The following PIWIL3 variants were observed in gnomAD, a reference collection of about 807,000 sequenced individuals.
The protein encoded by PIWIL3 is piwi like RNA-mediated gene silencing 3, also known as piwi-like protein 3.
A neutral mutation model predicts 109.7 loss-of-function variants in PIWIL3; 101 were observed. The ratio of observed to expected loss-of-function variants is 0.92; its 90% CI spans 0.78 to 1.09. The LOEUF (loss-of-function observed/expected upper bound fraction) is 1.09, where lower values mean the gene tolerates loss of function less well. Ranked by LOEUF, PIWIL3 falls within the 50% of genes least tolerant of loss-of-function variation. PIWIL3 has a pLI of 0.00. For missense variants in PIWIL3, 1,031 were observed against 1,072.6 expected, an observed-to-expected ratio of 0.96 and a Z score of 0.54; for synonymous variants, 373 against 376.4, an observed-to-expected ratio of 0.99 and a Z score of 0.10.
intron 1 of PIWIL3, 81 bp from the exon 2 acceptor site, chr22:24,762,602 C>A: frequency 8.6e-7 from 1 of 1,163,448 alleles, no homozygotes. Context: ...AACAGAATAT[C>A]TGAGGCTGGG....
chr22:24,720,884 C>G (rs1258943618), intron 19 of PIWIL3, among the ~76,000 whole-genome samples: 1 of 152,168 alleles, frequency 6.6e-6, no homozygotes, highest in Non-Finnish European at 1.5e-5. Flanking sequence ...ACTAAAGAAT[C>G]TTAGTGTATA....
chr22:24,762,066 C>T lies in PIWIL3; in HGVS notation c.102+332G>A, dbSNP rs187583683. 4.2e-5 allele frequency: 40 copies of T among 962,334 alleles called. No homozygotes were observed. In the Admixed American group the frequency reaches 1.7e-3, roughly 41 times the overall value. The allele number at this position is 962,334 out of a possible 1,614,324, so 59.6% of individuals were successfully genotyped here. A position where few individuals can be genotyped will look rare whatever the true frequency, so the allele number is the denominator to read the frequency against. ...AAACTCTTATCTAACTCAGGCTATG[C>T]CAGTACCTTCAGGAAGTTGCTCATT... On this transcript the variant is annotated intron_variant, in intron 2 of 20. Coordinates refer to ENST00000616349, the MANE Select transcript of PIWIL3 (RefSeq NM_001255975.1).
At chr22:24,744,958 T>C (rs975114872) in intron 12 of PIWIL3, among the ~76,000 whole-genome samples, 1 of 152,208 alleles carries the variant, frequency 6.6e-6, no homozygotes, top group Non-Finnish European at 1.5e-5. Context: ...ACATGGATCA[T>C]TCAAGGATAG....
chr22:24,751,342 GA>G (rs751001849), intron 9 of PIWIL3, 44 bp downstream of exon 9: 2 of 1,523,548 alleles, frequency 1.3e-6, no homozygotes, highest in East Asian at 4.5e-5. Flanking sequence ...TGAAATACAT[GA>G]AGGTTTACAA....
At chr22:24,732,307 T>C (rs1468663988) in intron 14 of PIWIL3, among the ~76,000 whole-genome samples, 11 of 152,352 alleles carry the variant, frequency 7.2e-5, no homozygotes, top group African/African-American at 2.4e-4. Flanking sequence ...AAGTGATTTT[T>C]AGTCCCTATT....
intron 1 of PIWIL3, among the ~76,000 whole-genome samples, chr22:24,763,589 C>T (rs1925587128): frequency 6.6e-6 from 1 of 152,104 alleles, no homozygotes; most frequent in Non-Finnish European, 1.5e-5. Context: ...CGTGAACCAC[C>T]GTGCTCGGCC....
At position 24,739,164 on chromosome 22, in the gene PIWIL3, CAT is replaced by C. The variant is rs373256374; in HGVS notation, c.1450-3274_1450-3273del. 4.2e-3 allele frequency among the ~76,000 whole-genome samples: 631 copies of C among 151,926 alleles called. 5 individuals carry two copies. The highest frequency in any genetic ancestry group is 0.014 in the African/African-American group (564 of 41,428). ...TTCAAAGGCAGGCTGTTTGAAAACA[CAT>C]AGAGGAGACAAAAGAAAACACAGAA... On this transcript the variant is annotated intron_variant, in intron 12 of 20. Coordinates refer to ENST00000616349, the MANE Select transcript of PIWIL3 (RefSeq NM_001255975.1).
At chr22:24,771,135 G>T (rs1405562174) in intron 1 of PIWIL3, among the ~76,000 whole-genome samples, 1 of 151,988 alleles carries the variant, frequency 6.6e-6, no homozygotes, top group African/African-American at 2.4e-5. Context: ...GGAGGCATGA[G>T]CCTGGTCATT....
intron 12 of PIWIL3, among the ~76,000 whole-genome samples, chr22:24,743,040 G>A (rs1924103141): frequency 6.6e-6 from 1 of 152,048 alleles, no homozygotes; most frequent in Non-Finnish European, 1.5e-5. Context: ...AAATCAGCAA[G>A]AAAGAAAACA....
chr22:24,762,254 ATACAGC>A, intron 2 of PIWIL3, 138 bp downstream of exon 2: 1 of 1,347,778 alleles, frequency 7.4e-7, no homozygotes, highest in Non-Finnish European at 9.7e-7. Flanking sequence ...GCTGCCATCT[ATACAGC>A]CTGACTTTTC....
chr22:24,731,952 ATTCT>A (rs1923376236), intron 14 of PIWIL3, among the ~76,000 whole-genome samples: 1 of 152,274 alleles, frequency 6.6e-6, no homozygotes, highest in South Asian at 2.1e-4. Flanking sequence ...TAGGATTTTA[ATTCT>A]TTATTATTCA....
chr22:24,735,575 T>C, intron 13 of PIWIL3, 133 bp downstream of exon 13: 2 of 800,682 alleles, frequency 2.5e-6, no homozygotes, highest in Non-Finnish European at 3.7e-6. Context: ...TTAATATTTT[T>C]TGACTAGAGA....
chr22:24,761,921 T>G (rs1925460718), intron 2 of PIWIL3: 1 of 976,052 alleles, frequency 1.0e-6, no homozygotes, highest in Non-Finnish European at 1.2e-6. Context: ...ATGGTCCCCC[T>G]GGAGGTTGTC....
At chr22:24,721,106 G>A (rs2147641825) in intron 19 of PIWIL3, among the ~76,000 whole-genome samples, 1 of 152,266 alleles carries the variant, frequency 6.6e-6, no homozygotes, top group East Asian at 1.9e-4. Context: ...CTCTCAGTGA[G>A]TATCTGGTGG....
chr22:24,743,572 G>A (rs1468811060), intron 12 of PIWIL3, among the ~76,000 whole-genome samples: 2 of 152,184 alleles, frequency 1.3e-5, no homozygotes, highest in South Asian at 2.1e-4. Flanking sequence ...CTCAGGAATG[G>A]AAAACCAAAC....
chr22:24,756,755 A>G lies in PIWIL3; in HGVS notation c.356-50T>C, dbSNP rs757645669. Reference sequence around the variant, plus strand: ...TAAAGAAACAGACTGATTGGGCCCAAAACAAACAGTTTGGACACTACAATA... The same window carrying G: ...TAAAGAAACAGACTGATTGGGCCCAGAACAAACAGTTTGGACACTACAATA... On this transcript the variant is annotated intron_variant, in intron 4 of 20. Coordinates refer to ENST00000616349, the MANE Select transcript of PIWIL3 (RefSeq NM_001255975.1). 5 of 1,481,982 alleles carry G rather than the reference A, an allele frequency of 3.4e-6. No homozygotes were observed. In the African/African-American group the frequency reaches 7.0e-5, roughly 21 times the overall value. The allele number at this position is 1,481,982 out of a possible 1,614,324, so 91.8% of individuals were successfully genotyped here.
rs537863161 is a variant in PIWIL3 at position 24,748,942 on chromosome 22, A to C, written c.1414T>G (p.Leu472Val). The change falls in exon 12 of 21, where the codon TTG becomes GTG. Residue 472 changes from leucine (L) to valine (V), a missense_variant. Coordinates refer to ENST00000616349, the MANE Select transcript of PIWIL3 (RefSeq NM_001255975.1). ...CCTTGCACGATGTTTGCGTTTTTCA[A>C]AACTCTTCCCGGGACGGACAAAAAA... ...TNFLSVPGRV[L>V]KNANIVQGRR... 1.9e-6 allele frequency: 3 copies of C among 1,613,502 alleles called. No individual in the cohort carries two copies. The Admixed American group carries it at 5.0e-5, about 27-fold the overall frequency.
intron 1 of PIWIL3, among the ~76,000 whole-genome samples, chr22:24,769,481 G>T (rs185808755): frequency 6.6e-6 from 1 of 152,066 alleles, no homozygotes; most frequent in Non-Finnish European, 1.5e-5. Context: ...GTGTGGTGGC[G>T]GGCACCTGTA....
chr22:24,760,116 C>A (rs1484346097), intron 2 of PIWIL3, 127 bp from the exon 3 acceptor site: 2 of 1,328,426 alleles, frequency 1.5e-6, no homozygotes, highest in Non-Finnish European at 1.0e-6. Flanking sequence ...GTGACATAAA[C>A]TAAGTTGTAA....
Sources: allele counts gnomAD v4.1 joint callset (sites outside exome capture counted in the v4.1 genomes callset), GRCh38; gene constraint gnomAD v4.1.1; transcripts MANE v1.5; gene names NCBI Gene and HGNC (gene_info 2026-07-23, HGNC 2026-07-21).